The following KCNQ5 variants were observed in gnomAD, a reference collection of about 807,000 sequenced individuals.
The protein encoded by KCNQ5 is potassium voltage-gated channel subfamily KQT member 5.
In KCNQ5, 30 loss-of-function variants were observed where a neutral mutation model predicts 98.2. The observed-to-expected ratio is 0.31, with a 90% confidence interval of 0.23 to 0.41. KCNQ5 has a LOEUF of 0.41. Among genes scored for constraint, KCNQ5 ranks in the 10% least tolerant of loss-of-function variants. KCNQ5 has a pLI of 1.00. For synonymous variants in KCNQ5, 458 were observed against 449.4 expected, an observed-to-expected ratio of 1.02 and a Z score of -0.24; for missense variants, 835 against 1,182.5, an observed-to-expected ratio of 0.71 and a Z score of 4.31.
chr6:72,871,104 C>T (rs1410595830), intron 1 of KCNQ5, among the ~76,000 whole-genome samples: 1 of 152,184 alleles, frequency 6.6e-6, no homozygotes, highest in Non-Finnish European at 1.5e-5. Context: ...CTCTATGCCC[C>T]AGTCCTGCGT....
rs1765860462 is a variant in KCNQ5 at position 73,198,044 on chromosome 6, G to A, written c.*2630G>A. 1 of 152,132 alleles carries A rather than the reference G, an allele frequency of 6.6e-6. No individual in the cohort carries two copies. The highest frequency in any genetic ancestry group is 2.1e-4 in the South Asian group (1 of 4,826). The allele number at this position is 152,132 out of a possible 1,614,324, so 9.4% of individuals were successfully genotyped here. A position where few individuals can be genotyped will look rare whatever the true frequency, so the allele number is the denominator to read the frequency against. On this transcript the variant is annotated 3_prime_UTR_variant, in exon 14 of 14. Coordinates refer to ENST00000370398, the MANE Select transcript of KCNQ5 (RefSeq NM_019842.4). ...AAAGATAGTTGTGTGGAAGCTATAAGGTTCTGTCTGTCGTGTTACTCTCTG... is the reference window on the plus strand; with the variant it reads ...AAAGATAGTTGTGTGGAAGCTATAAAGTTCTGTCTGTCGTGTTACTCTCTG...
chr6:72,740,633 T>G (rs953793671), intron 1 of KCNQ5, among the ~76,000 whole-genome samples: 3 of 151,992 alleles, frequency 2.0e-5, no homozygotes, highest in Non-Finnish European at 4.4e-5. Flanking sequence ...ACCCAGCCCA[T>G]AAGGGAGATG....
chr6:72,970,412 G>A (rs1002887690), intron 1 of KCNQ5, among the ~76,000 whole-genome samples: 2 of 152,172 alleles, frequency 1.3e-5, no homozygotes, highest in Non-Finnish European at 2.9e-5. Flanking sequence ...TTACTACCAT[G>A]TGTGTATTAC....
chr6:72,880,281 C>T (rs2150172025), intron 1 of KCNQ5, among the ~76,000 whole-genome samples: 1 of 152,316 alleles, frequency 6.6e-6, no homozygotes, highest in South Asian at 2.1e-4. Flanking sequence ...ATCAAGGTGA[C>T]AGCAGATTCA....
chr6:72,807,006 A>G lies in KCNQ5; in HGVS notation c.398+184419A>G, dbSNP rs138987169. 4.2e-3 allele frequency: 968 copies of G among 230,976 alleles called. 8 individuals carry two copies. The highest frequency in any genetic ancestry group is 0.022 in the African/African-American group (918 of 42,006). The allele number at this position is 230,976 out of a possible 1,614,324, so 14.3% of individuals were successfully genotyped here. On this transcript the variant is annotated intron_variant, in intron 1 of 13. Coordinates refer to ENST00000370398, the MANE Select transcript of KCNQ5 (RefSeq NM_019842.4). ...TGTATATGTTGCATTTCTCATGGACATTTGTCAATGAGAATTTTTAATCTC... is the reference window on the plus strand; with the variant it reads ...TGTATATGTTGCATTTCTCATGGACGTTTGTCAATGAGAATTTTTAATCTC...
At chr6:73,001,895 G>A (rs540864853) in intron 1 of KCNQ5, among the ~76,000 whole-genome samples, 1 of 152,106 alleles carries the variant, frequency 6.6e-6, no homozygotes, top group Non-Finnish European at 1.5e-5. Flanking sequence ...TGAGGTGGGA[G>A]GATCCCTTGA....
intron 1 of KCNQ5, among the ~76,000 whole-genome samples, chr6:72,778,613 A>G (rs1192675241): frequency 6.6e-6 from 1 of 152,208 alleles, no homozygotes. Flanking sequence ...CCACCACAAA[A>G]AAAAAGGTAA....
intron 1 of KCNQ5, among the ~76,000 whole-genome samples, chr6:72,813,212 C>G (rs1561999959): frequency 6.6e-6 from 1 of 151,994 alleles, no homozygotes; most frequent in Non-Finnish European, 1.5e-5. Flanking sequence ...ATATTTAAAC[C>G]AAACAAAACT....
intron 1 of KCNQ5, among the ~76,000 whole-genome samples, chr6:72,654,778 A>G (rs1766060124): frequency 6.6e-6 from 1 of 152,152 alleles, no homozygotes; most frequent in Non-Finnish European, 1.5e-5. Flanking sequence ...CTATTTACAC[A>G]TGAAAATGAT....
At chr6:73,038,467 A>G (rs1439324010) in intron 2 of KCNQ5, among the ~76,000 whole-genome samples, 6 of 152,094 alleles carry the variant, frequency 3.9e-5, no homozygotes, top group African/African-American at 4.8e-5. Context: ...GGGGAAAAGC[A>G]TTCAGTCTTT....
intron 1 of KCNQ5, among the ~76,000 whole-genome samples, chr6:72,970,766 C>A (rs1008969215): frequency 1.3e-5 from 2 of 152,126 alleles, no homozygotes; most frequent in African/African-American, 4.8e-5. Flanking sequence ...CCCTATTTAA[C>A]AGATGGTGCT....
At chr6:72,891,658 G>A (rs1172017920) in intron 1 of KCNQ5, among the ~76,000 whole-genome samples, 1 of 152,164 alleles carries the variant, frequency 6.6e-6, no homozygotes, top group Non-Finnish European at 1.5e-5. Flanking sequence ...ATGCACCGAT[G>A]TTAGAATTCA....
Position 72,622,653 on chromosome 6 carries a change from G to A in KCNQ5, c.398+66G>A, listed in dbSNP as rs1412357716. 6.4e-7 allele frequency: 1 copy of A among 1,572,620 alleles called. No homozygotes were observed. The highest frequency in any genetic ancestry group is 8.6e-7 in the Non-Finnish European group (1 of 1,158,284). On this transcript the variant is annotated intron_variant, in intron 1 of 13. Coordinates refer to ENST00000370398, the MANE Select transcript of KCNQ5 (RefSeq NM_019842.4). The surrounding 1 kb of genome is among the most constrained non-coding windows in gnomAD (Gnocchi z 6.0). Reference sequence around the variant, plus strand: ...CACTGTCCCTGGCCCCCTGGGGCGTGCTCCGCGCTCGCGCCCTTGGGCCCC... The same window carrying A: ...CACTGTCCCTGGCCCCCTGGGGCGTACTCCGCGCTCGCGCCCTTGGGCCCC...
At chr6:72,925,791 C>G (rs1342365718) in intron 1 of KCNQ5, among the ~76,000 whole-genome samples, 1 of 152,072 alleles carries the variant, frequency 6.6e-6, no homozygotes, top group African/African-American at 2.4e-5. Flanking sequence ...CTTAGTAGTT[C>G]TAGGAATCTG....
chr6:73,105,880 A>C (rs1340493349), intron 6 of KCNQ5, among the ~76,000 whole-genome samples: 2 of 152,086 alleles, frequency 1.3e-5, no homozygotes, highest in African/African-American at 4.8e-5. Flanking sequence ...GTATCTTATC[A>C]GAATAAAGGG....
At position 73,027,308 on chromosome 6, in the gene KCNQ5, G is replaced by A. The variant is rs139471387; in HGVS notation, c.490-14628G>A. ...TGGTCCAGCTTGTCATGCTTTGCTA[G>A]GCTAAGGGCTGCCTCCACAGATTGC... On this transcript the variant is annotated intron_variant, in intron 2 of 13. Coordinates refer to ENST00000370398, the MANE Select transcript of KCNQ5 (RefSeq NM_019842.4). Among the ~76,000 whole-genome samples, 212 of 152,286 alleles carry A rather than the reference G, an allele frequency of 1.4e-3. 1 individual carries two copies. Among genetic ancestry groups the A allele is most frequent in the Non-Finnish European group, 1.5e-3 (100 of 68,022 alleles).
At chr6:72,987,384 AC>A in intron 1 of KCNQ5, 1 of 717,614 alleles carries the variant, frequency 1.4e-6, no homozygotes, top group East Asian at 3.0e-5. Flanking sequence ...GTCAGGCAAA[AC>A]GGAAGCTTGT....
chr6:73,151,685 AT>A (rs1777156095), intron 10 of KCNQ5, among the ~76,000 whole-genome samples: 1 of 152,170 alleles, frequency 6.6e-6, no homozygotes, highest in Admixed American at 6.5e-5. Flanking sequence ...TTGAGAACAC[AT>A]TCTGGAAACC....
At chr6:72,944,774 C>CA (rs1766460203) in intron 1 of KCNQ5, among the ~76,000 whole-genome samples, 1 of 152,148 alleles carries the variant, frequency 6.6e-6, no homozygotes, top group South Asian at 2.1e-4. Flanking sequence ...AAGGACAGAG[C>CA]AAAGACATTC....
Sources: gnomAD v4.1 joint callset for allele counts (sites outside exome capture counted in the v4.1 genomes callset) on GRCh38, gnomAD v4.1.1 for gene constraint, Gnocchi (gnomAD v3.1) non-coding constraint, MANE v1.5 for transcripts, NCBI Gene and HGNC (gene_info 2026-07-23, HGNC 2026-07-21) for gene names.